Variants in IGSF11 observed in about 807,000 individuals in gnomAD.
IGSF11 encodes CXADR like 1.
IGSF11 carries 22 observed loss-of-function variants against 41.0 expected under a neutral mutation model. The ratio of observed to expected loss-of-function variants is 0.54; its 90% CI spans 0.38 to 0.77. The LOEUF (loss-of-function observed/expected upper bound fraction) is 0.77, where lower values mean the gene tolerates loss of function less well. Ranked by LOEUF, IGSF11 falls within the 30% of genes least tolerant of loss-of-function variation. IGSF11 has a pLI of 0.00. For missense variants in IGSF11, 444 were observed against 530.8 expected, an observed-to-expected ratio of 0.84 and a Z score of 1.61; for synonymous variants, 219 against 201.3, an observed-to-expected ratio of 1.09 and a Z score of -0.74.
At chr3:119,134,219 A>G (rs779127977) in intron 1 of IGSF11, among the ~76,000 whole-genome samples, 54 of 152,290 alleles carry the variant, frequency 3.5e-4, no homozygotes, top group Non-Finnish European at 2.2e-4. Context: ...GGCCAAGGCA[A>G]TCAGGCAGGA....
At chr3:119,134,293 C>T (rs767314889) in intron 1 of IGSF11, among the ~76,000 whole-genome samples, 1 of 152,152 alleles carries the variant, frequency 6.6e-6, no homozygotes, top group Non-Finnish European at 1.5e-5. Flanking sequence ...TTGCAGATGA[C>T]ATGATTGTCT....
At chr3:118,954,141 C>T (rs376406845) in intron 1 of IGSF11, among the ~76,000 whole-genome samples, 6 of 152,160 alleles carry the variant, frequency 3.9e-5, no homozygotes, top group African/African-American at 1.4e-4. Context: ...TATCCCAGCA[C>T]CTTTGTTAAA....
At chr3:119,029,782 A>C (rs1940227750) in intron 1 of IGSF11, among the ~76,000 whole-genome samples, 1 of 152,188 alleles carries the variant, frequency 6.6e-6, no homozygotes, top group Non-Finnish European at 1.5e-5. Context: ...TTTAAACTTA[A>C]ATTTCTAAAA....
chr3:119,095,934 A>G (rs570679355), intron 1 of IGSF11, among the ~76,000 whole-genome samples: 22 of 152,288 alleles, frequency 1.4e-4, no homozygotes, highest in Non-Finnish European at 2.8e-4. Flanking sequence ...CCCATGGAAG[A>G]TTGCATCTTA....
intron 1 of IGSF11, among the ~76,000 whole-genome samples, chr3:119,114,807 C>T (rs375380577): frequency 1.1e-3 from 170 of 152,288 alleles, no homozygotes; most frequent in African/African-American, 3.9e-3. Context: ...AGTTCATTCT[C>T]GCATTGCTAT....
intron 4 of IGSF11, among the ~76,000 whole-genome samples, chr3:118,911,675 G>C (rs1421436267): frequency 6.6e-6 from 1 of 151,834 alleles, no homozygotes; most frequent in East Asian, 1.9e-4. Flanking sequence ...ACAAAGAGGA[G>C]AGAGGAGAGA....
chr3:119,034,293 G>A (rs1343592508), intron 1 of IGSF11, among the ~76,000 whole-genome samples: 1 of 152,218 alleles, frequency 6.6e-6, no homozygotes, highest in African/African-American at 2.4e-5. Context: ...GGGACCGGAG[G>A]TAGCCGGACG....
chr3:119,083,172 G>T (rs558685525), intron 1 of IGSF11, among the ~76,000 whole-genome samples: 1 of 125,332 alleles, frequency 8.0e-6, no homozygotes, highest in East Asian at 2.3e-4. Context: ...CAATCCTGTT[G>T]CCCAGGGTGG....
At chr3:118,963,491 T>G (rs1945474877) in intron 1 of IGSF11, among the ~76,000 whole-genome samples, 1 of 152,186 alleles carries the variant, frequency 6.6e-6, no homozygotes, top group East Asian at 1.9e-4. Context: ...TTTATTCTGA[T>G]GAGGGTTGAG....
At chr3:119,014,406 T>C (rs1469795720) in intron 1 of IGSF11, among the ~76,000 whole-genome samples, 2 of 152,204 alleles carry the variant, frequency 1.3e-5, no homozygotes, top group African/African-American at 2.4e-5. Context: ...CAAGCACATA[T>C]ACTATTTATA....
At chr3:119,084,630 C>T (rs2076640817) in intron 1 of IGSF11, among the ~76,000 whole-genome samples, 1 of 152,216 alleles carries the variant, frequency 6.6e-6, no homozygotes, top group Non-Finnish European at 1.5e-5. Flanking sequence ...GGCACATCTG[C>T]CCTGCAGTCT....
At chr3:118,930,481 A>G (rs1157479332) in intron 1 of IGSF11, among the ~76,000 whole-genome samples, 1 of 152,224 alleles carries the variant, frequency 6.6e-6, no homozygotes, top group Non-Finnish European at 1.5e-5. Context: ...CTACAATAGA[A>G]AAATATTAGA....
chr3:119,115,829 T>TA (rs981143477), intron 1 of IGSF11, among the ~76,000 whole-genome samples: 6 of 152,234 alleles, frequency 3.9e-5, no homozygotes, highest in African/African-American at 9.6e-5. Context: ...AATGAGGTGA[T>TA]AAAAAAATTA....
At chr3:119,083,098 C>A (rs1559857271) in intron 1 of IGSF11, among the ~76,000 whole-genome samples, 2 of 148,454 alleles carry the variant, frequency 1.3e-5, no homozygotes, top group African/African-American at 5.0e-5. Flanking sequence ...AGACTAATTC[C>A]TTTTTTTTCT....
chr3:118,916,378 T>C (rs12220870), intron 4 of IGSF11, among the ~76,000 whole-genome samples: 312 of 151,434 alleles, frequency 2.1e-3, no homozygotes, highest in Non-Finnish European at 2.9e-3. Flanking sequence ...CGTGCAGAGA[T>C]ACACATAGGC....
At chr3:118,928,164 AC>A (rs1450734121) in intron 3 of IGSF11, among the ~76,000 whole-genome samples, 1 of 152,232 alleles carries the variant, frequency 6.6e-6, no homozygotes, top group Non-Finnish European at 1.5e-5. Context: ...TCTGCTCTGT[AC>A]TAAAATAAGT....
intron 1 of IGSF11, among the ~76,000 whole-genome samples, chr3:118,949,022 T>G (rs1944380537): frequency 6.6e-6 from 1 of 151,744 alleles, no homozygotes; most frequent in South Asian, 2.1e-4. Context: ...GCACAATTTT[T>G]TTATATAAAA....
At chr3:118,907,960 C>T (rs1329229796) in intron 4 of IGSF11, among the ~76,000 whole-genome samples, 1 of 152,196 alleles carries the variant, frequency 6.6e-6, no homozygotes, top group Non-Finnish European at 1.5e-5. Context: ...TTCATGTACA[C>T]ATGTACTAAT....
At chr3:118,977,873 T>C (rs1377354808) in intron 1 of IGSF11, among the ~76,000 whole-genome samples, 1 of 152,138 alleles carries the variant, frequency 6.6e-6, no homozygotes, top group African/African-American at 2.4e-5. Context: ...TAGCCCACAA[T>C]GGACTACGTC....
Sources: gnomAD v4.1 joint callset for allele counts (sites outside exome capture counted in the v4.1 genomes callset) on GRCh38, gnomAD v4.1.1 for gene constraint, MANE v1.5 for transcripts, NCBI Gene and HGNC (gene_info 2026-07-23, HGNC 2026-07-21) for gene names.